Variants in NDC80 observed in about 807,000 individuals in gnomAD.
The protein encoded by NDC80 is kinetochore protein NDC80 homolog.
Under a neutral mutation model 89.3 loss-of-function variants are expected in NDC80, and 69 were observed. The ratio of observed to expected loss-of-function variants is 0.77; its 90% CI spans 0.64 to 0.94. The LOEUF (loss-of-function observed/expected upper bound fraction) is 0.94, where lower values mean the gene tolerates loss of function less well. Among genes scored for constraint, NDC80 ranks in the 40% least tolerant of loss-of-function variants. NDC80 has a pLI of 0.00. For missense variants in NDC80, 593 were observed against 739.6 expected, an observed-to-expected ratio of 0.80 and a Z score of 2.30; for synonymous variants, 243 against 255.6, an observed-to-expected ratio of 0.95 and a Z score of 0.47.
chr18:2,584,454 T>C (rs1367682870), intron 6 of NDC80, among the ~76,000 whole-genome samples: 1 of 152,106 alleles, frequency 6.6e-6, no homozygotes, highest in Non-Finnish European at 1.5e-5. Context: ...TTAAATGTTA[T>C]GTTTTTAAAA....
chr18:2,599,224 C>G, intron 12 of NDC80, 53 bp downstream of exon 12: 1 of 1,477,958 alleles, frequency 6.8e-7, no homozygotes, highest in Non-Finnish European at 9.1e-7. Flanking sequence ...ATTGGTATCT[C>G]TAAGAGTTTG....
chr18:2,575,617 A>AT (rs1191230026), intron 3 of NDC80, among the ~76,000 whole-genome samples: 2 of 151,214 alleles, frequency 1.3e-5, no homozygotes, highest in East Asian at 3.9e-4. Context: ...ACAAAAAAAA[A>AT]TTTTTTTTAA....
rs777808517 is a variant in NDC80 at position 2,595,591 on chromosome 18, G to A, written c.1191G>A (p.Glu397=). 4.9e-5 allele frequency: 79 copies of A among 1,613,426 alleles called. No homozygotes were observed. The African/African-American group carries it at 8.4e-4, about 17-fold the overall frequency. The change falls in exon 11 of 17, where the codon GAG becomes GAA. Residue 397 remains glutamate, a synonymous_variant. Transcript: ENST00000261597. ...CTGAACAACAGAAGTTGTGGAATGA[G>A]GAGTTAAAATATGCCAGAGGCAAAG... ...LEAEQQKLWN[E]ELKYARGKEA...
Position 2,614,645 on chromosome 18 carries a change from GAAAGAAAGAAAT to G in NDC80, c.1792-1788_1792-1777del, listed in dbSNP as rs1568016537. Among the ~76,000 whole-genome samples, 565 of 92,272 alleles carry G rather than the reference GAAAGAAAGAAAT, an allele frequency of 6.1e-3. 158 individuals are homozygous for G. Among genetic ancestry groups the G allele is most frequent in the African/African-American group, 7.9e-3 (197 of 25,072 alleles). The allele number at this position is 92,272 out of a possible 152,430, so 60.5% of individuals were successfully genotyped here. On this transcript the variant is annotated intron_variant, in intron 16 of 16. Coordinates refer to ENST00000261597, the MANE Select transcript of NDC80 (RefSeq NM_006101.3). ...AGAAAGAAAGAAAGAAAGAAAGAAA[GAAAGAAAGAAAT>G]AAATTTGGCAATCCGAAAAACCAAC...
intron 6 of NDC80, chr18:2,582,944 A>G (rs1484836449): frequency 6.6e-6 from 1 of 152,206 alleles, no homozygotes; most frequent in African/African-American, 2.4e-5. Flanking sequence ...AGTCTTCTCT[A>G]CTAAGGACCA....
chr18:2,579,855 G>C (rs1779131142), intron 6 of NDC80, among the ~76,000 whole-genome samples: 1 of 152,152 alleles, frequency 6.6e-6, no homozygotes, highest in Non-Finnish European at 1.5e-5. Context: ...AACAATGTTT[G>C]AGCATACCCA....
chr18:2,616,530 A>G lies in NDC80; in HGVS notation c.1885A>G (p.Lys629Glu). Residue 629 changes from lysine (K) to glutamate (E), a missense_variant, in exon 17 of 17, where the codon AAG (lysine) becomes GAG (glutamate). Physicochemically the swap from Lys to Glu is moderately conservative, Grantham distance 56 (BLOSUM62 1). Coordinates refer to ENST00000261597, the MANE Select transcript of NDC80 (RefSeq NM_006101.3). Reference protein sequence around the residue: ...LSENIKEIRDKYEKKATLIKS... With the variant: ...LSENIKEIRDEYEKKATLIKS... ...GGAAAATATTAAAGAGATTAGAGAT[A>G]AGTATGAGAAGAAAGCTACTCTAAT... is the stretch of plus-strand genomic sequence containing the variant. The G allele has an allele frequency of 2.0e-6, 3 of 1,479,668 alleles. No homozygotes were observed. The highest frequency in any genetic ancestry group is 2.6e-5 in the South Asian group (2 of 76,976). The allele number at this position is 1,479,668 out of a possible 1,614,324, so 91.7% of individuals were successfully genotyped here.
At chr18:2,576,290 A>C (rs1263579693) in intron 3 of NDC80, among the ~76,000 whole-genome samples, 1 of 152,258 alleles carries the variant, frequency 6.6e-6, no homozygotes, top group Non-Finnish European at 1.5e-5. Flanking sequence ...AACCCATTAC[A>C]TGGTAACATA....
intron 16 of NDC80, chr18:2,614,548 GAAGGAAGGAAGGA>G (rs1379886084): frequency 0.017 from 75 of 4,326 alleles, 32 homozygotes; most frequent in African/African-American, 0.11. Flanking sequence ...AGGAAGGAAG[GAAGGAAGGAAGGA>G]AGGGAAAGAA....
chr18:2,580,758 TTTG>T, intron 6 of NDC80, among the ~76,000 whole-genome samples: 1 of 134,640 alleles, frequency 7.4e-6, no homozygotes, highest in South Asian at 2.3e-4. Flanking sequence ...TTTTTTTTTT[TTTG>T]AGACGAGTCT....
At chr18:2,589,383 T>G in intron 9 of NDC80, 73 bp downstream of exon 9, 1 of 1,004,156 alleles carries the variant, frequency 1.0e-6, no homozygotes, top group South Asian at 1.5e-5. Flanking sequence ...ATTAGCTGTC[T>G]TTATCAAAAT....
chr18:2,576,510 G>A (rs937872502), intron 3 of NDC80, among the ~76,000 whole-genome samples: 10 of 152,166 alleles, frequency 6.6e-5, no homozygotes, highest in African/African-American at 2.4e-4. Context: ...TTGAGAGATT[G>A]AAAATGAAAA....
At position 2,612,658 on chromosome 18, in the gene NDC80, T is replaced by C. The variant is rs182419999; in HGVS notation, c.1791+1797T>C. ...TCAGTAGTAACTTATCACTAGGGATTTGTGTGAAGTAATCACAGTTATCAA... is the reference window on the plus strand; with the variant it reads ...TCAGTAGTAACTTATCACTAGGGATCTGTGTGAAGTAATCACAGTTATCAA... On this transcript the variant is annotated intron_variant, in intron 16 of 16. Coordinates refer to ENST00000261597, the MANE Select transcript of NDC80 (RefSeq NM_006101.3). Among the ~76,000 whole-genome samples the C allele has an allele frequency of 5.5e-3, 837 of 152,286 alleles. 2 individuals carry two copies. The highest frequency in any genetic ancestry group is 0.019 in the African/African-American group (798 of 41,552).
intron 14 of NDC80, 142 bp from the exon 15 acceptor site, chr18:2,608,558 C>A: frequency 1.2e-6 from 1 of 851,332 alleles, no homozygotes; most frequent in Non-Finnish European, 1.7e-6. Context: ...AAGTCTCTTG[C>A]ATGTAAAACA....
intron 16 of NDC80, among the ~76,000 whole-genome samples, chr18:2,613,567 C>G (rs538801271): frequency 6.6e-6 from 1 of 152,192 alleles, no homozygotes; most frequent in East Asian, 1.9e-4. Context: ...GGATCCCTAC[C>G]TTAAACTCTA....
intron 8 of NDC80, 76 bp from the exon 9 acceptor site, chr18:2,589,128 A>AGGGAG: frequency 1.1e-6 from 1 of 881,930 alleles, no homozygotes; most frequent in South Asian, 1.4e-5. Flanking sequence ...TGAGGGAGGG[A>AGGGAG]GTAATGGTGA....
chr18:2,590,110 A>C lies in NDC80; in HGVS notation c.963A>C (p.Ser321=). The change falls in exon 10 of 17, where the codon TCA becomes TCC. Residue 321 remains serine (S), a synonymous_variant. Coordinates refer to ENST00000261597, the MANE Select transcript of NDC80 (RefSeq NM_006101.3). ...QAYMSNLESH[S]AILDQKLNGL... ...ACATGAGCAATTTGGAGTCTCATTC[A>C]GCCATTCTTGACCAGAAATTAAATG... 6.2e-7 allele frequency: 1 copy of C among 1,612,402 alleles called. No individual in the cohort carries two copies. Among genetic ancestry groups the C allele is most frequent in the Non-Finnish European group, 8.5e-7 (1 of 1,179,220 alleles).
intron 6 of NDC80, chr18:2,579,305 C>A (rs11080960): frequency 0.2 from 59,872 of 294,590 alleles, 6,806 homozygotes; most frequent in Non-Finnish European, 0.23. Flanking sequence ...TCATGAAATT[C>A]GTTTTTACCC....
intron 11 of NDC80, among the ~76,000 whole-genome samples, chr18:2,595,913 A>C (rs72858513): frequency 1.2e-3 from 185 of 152,348 alleles, no homozygotes; most frequent in Non-Finnish European, 2.0e-3. Flanking sequence ...TAGAAGAGGA[A>C]ATGAGTCCTT....
Sources: allele counts gnomAD v4.1 joint callset (sites outside exome capture counted in the v4.1 genomes callset), GRCh38; gene constraint gnomAD v4.1.1; transcripts MANE v1.5; gene names NCBI Gene and HGNC (gene_info 2026-07-23, HGNC 2026-07-21).